GRID2: variants seen among roughly 807,000 people sequenced by gnomAD.
The protein encoded by GRID2 is glutamate ionotropic receptor delta type subunit 2, also known as glutamate receptor ionotropic, delta-2.
Under a neutral mutation model 114.8 loss-of-function variants are expected in GRID2, and 33 were observed. The ratio of observed to expected loss-of-function variants is 0.29; its 90% CI spans 0.22 to 0.38. The LOEUF (loss-of-function observed/expected upper bound fraction) is 0.38, where lower values mean the gene tolerates loss of function less well. Among genes scored for constraint, GRID2 ranks in the 10% least tolerant of loss-of-function variants. The pLI is 1.00. For missense variants in GRID2, 1,184 were observed against 1,257.7 expected (o/e 0.94, Z 0.89); for synonymous variants, 505 against 449.9 (o/e 1.12, Z -1.55).
At chr4:92,942,453 C>T (rs1368329941) in intron 2 of GRID2, among the ~76,000 whole-genome samples, 2 of 152,130 alleles carry the variant, frequency 1.3e-5, no homozygotes, top group South Asian at 2.1e-4. Context: ...TATTTTGAGC[C>T]TGTGTGTGTC....
At chr4:92,957,165 A>C (rs1003299747) in intron 2 of GRID2, among the ~76,000 whole-genome samples, 2 of 152,108 alleles carry the variant, frequency 1.3e-5, no homozygotes, top group Admixed American at 1.3e-4. Context: ...ATTAAGTCCA[A>C]GTTATCAAAT....
chr4:92,925,003 C>G (rs1749694083), intron 2 of GRID2, among the ~76,000 whole-genome samples: 1 of 152,016 alleles, frequency 6.6e-6, no homozygotes, highest in African/African-American at 2.4e-5. Context: ...AGGTAAGCAG[C>G]CCTCTTTAAG....
Position 93,422,918 on chromosome 4 carries a change from C to T in GRID2, c.1495C>T (p.Pro499Ser), listed in dbSNP as rs202110379. The T allele has an allele frequency of 8.1e-5, 131 of 1,613,634 alleles. No homozygotes were observed. Among genetic ancestry groups the T allele is most frequent in the Non-Finnish European group, 6.3e-5 (74 of 1,179,778 alleles). Residue 499 changes from proline (P) to serine (S), a missense_variant, in exon 10 of 16, where the codon CCA (proline) becomes TCA (serine). Pro to Ser is a moderately conservative substitution (Grantham distance 74). Around this residue, in one of 3 missense-constraint regions of GRID2, gnomAD observed 717 missense variants for 796.9 expected, o/e 0.90. Coordinates refer to ENST00000282020, the MANE Select transcript of GRID2 (RefSeq NM_001510.4). ...AGCACCGGATCACAAATACGGAAGC[C>T]CACAAGAAGATGGGACATGGAATGG... is the stretch of plus-strand genomic sequence containing the variant. ...YVAPDHKYGS[P>S]QEDGTWNGLV...
chr4:92,774,659 A>AGTGGTGC (rs1239873634), intron 2 of GRID2, among the ~76,000 whole-genome samples: 3 of 143,858 alleles, frequency 2.1e-5, no homozygotes, highest in Middle Eastern at 3.7e-3. Context: ...GCAGTGGTGC[A>AGTGGTGC]ATCATGGCTC....
chr4:92,937,800 G>T (rs1750779860), intron 2 of GRID2, among the ~76,000 whole-genome samples: 1 of 146,498 alleles, frequency 6.8e-6, no homozygotes, highest in Non-Finnish European at 1.5e-5. Context: ...GCTTTTGGTA[G>T]TATTTTCATC....
At chr4:93,702,534 G>T (rs1578610656) in intron 14 of GRID2, among the ~76,000 whole-genome samples, 1 of 151,992 alleles carries the variant, frequency 6.6e-6, no homozygotes, top group East Asian at 1.9e-4. Context: ...TTACCATAAT[G>T]CTAAAAAAAA....
At chr4:92,751,031 A>T (rs958179366) in intron 2 of GRID2, among the ~76,000 whole-genome samples, 1 of 152,174 alleles carries the variant, frequency 6.6e-6, no homozygotes, top group Non-Finnish European at 1.5e-5. Context: ...GTATTTGTTA[A>T]TTCTTGGCAA....
chr4:92,426,856 C>A (rs1407204966), intron 1 of GRID2, among the ~76,000 whole-genome samples: 3 of 151,996 alleles, frequency 2.0e-5, no homozygotes, highest in Admixed American at 1.3e-4. Context: ...CTAGAAGAAA[C>A]CTTCCTAGAT....
At chr4:93,755,124 C>T (rs1440978496) in intron 14 of GRID2, among the ~76,000 whole-genome samples, 1 of 152,132 alleles carries the variant, frequency 6.6e-6, no homozygotes, top group African/African-American at 2.4e-5. Context: ...GCAACGTATC[C>T]ACACCATTTC....
chr4:93,795,280 G>A (rs955856206), intron 1 of GRID2, among the ~76,000 whole-genome samples: 39 of 151,672 alleles, frequency 2.6e-4, no homozygotes, highest in African/African-American at 8.5e-4. Context: ...AAATACTTTC[G>A]GAAATCACAA....
intron 2 of GRID2, among the ~76,000 whole-genome samples, chr4:92,763,896 T>G (rs78598986): frequency 6.6e-6 from 1 of 152,138 alleles, no homozygotes; most frequent in Non-Finnish European, 1.5e-5. Flanking sequence ...AGAACAGATA[T>G]AATCTCATTT....
In GRID2 at chr4:92,660,958, C is replaced by CT. The variant is rs548446919; in HGVS notation, c.244+70677dup. Among the ~76,000 whole-genome samples the CT allele has an allele frequency of 1.2e-3, 176 of 150,846 alleles. 1 individual carries two copies. Among genetic ancestry groups the CT allele is most frequent in the African/African-American group, 3.9e-3 (161 of 41,340 alleles). On this transcript the variant is annotated intron_variant, in intron 2 of 15. Transcript: ENST00000282020. Reference sequence around the variant, plus strand: ...CTATTATCGGACCATTTTGGCTAACCTTTTTGGAGGCTACTAATTATTTTC... The same window carrying CT: ...CTATTATCGGACCATTTTGGCTAACCTTTTTTGGAGGCTACTAATTATTTTC...
chr4:93,693,789 T>C (rs1375131404), intron 14 of GRID2, among the ~76,000 whole-genome samples: 1 of 152,116 alleles, frequency 6.6e-6, no homozygotes, highest in African/African-American at 2.4e-5. Context: ...GCACCAGTAA[T>C]TTGGGACCAA....
Position 93,679,857 on chromosome 4 carries a change from A to T in GRID2, c.2360+53422A>T, listed in dbSNP as rs1317305357. On this transcript the variant is annotated intron_variant, in intron 14 of 15. Coordinates refer to ENST00000282020, the MANE Select transcript of GRID2 (RefSeq NM_001510.4). ...TCCAAAATTGACACCCTAACATCAC[A>T]ATTAAAAGAACTAGAAAAGCAAGAG... Among the ~76,000 whole-genome samples the T allele has an allele frequency of 9.3e-5, 14 of 151,120 alleles. No homozygotes were observed. The East Asian group carries it at 2.7e-3, about 29-fold the overall frequency.
intron 2 of GRID2, among the ~76,000 whole-genome samples, chr4:92,815,744 C>T (rs1340589125): frequency 2.0e-5 from 3 of 151,038 alleles, no homozygotes; most frequent in Non-Finnish European, 4.4e-5. Context: ...GATACTTCAT[C>T]TCTACAAAAT....
chr4:93,432,797 C>T (rs558619072), intron 10 of GRID2, among the ~76,000 whole-genome samples: 1 of 152,256 alleles, frequency 6.6e-6, no homozygotes, highest in Non-Finnish European at 1.5e-5. Flanking sequence ...CAAGGTGGCT[C>T]ATGCCTGTAA....
At chr4:92,786,512 C>T (rs1485772060) in intron 2 of GRID2, among the ~76,000 whole-genome samples, 1 of 151,696 alleles carries the variant, frequency 6.6e-6, no homozygotes, top group Non-Finnish European at 1.5e-5. Flanking sequence ...CTCAGGGACA[C>T]ATAAATGATT....
At chr4:92,601,351 T>A (rs1729207583) in intron 2 of GRID2, among the ~76,000 whole-genome samples, 1 of 152,140 alleles carries the variant, frequency 6.6e-6, no homozygotes, top group Admixed American at 6.5e-5. Flanking sequence ...AACAGTGAAC[T>A]CATATTCAAA....
exon 2 of GRID2, chr4:93,808,944 C>A (rs1282720339): frequency 6.6e-6 from 1 of 152,174 alleles, no homozygotes; most frequent in Non-Finnish European, 1.5e-5. Context: ...ATTGGGCTGC[C>A]AAGGGAGATA....
Sources: allele counts gnomAD v4.1 joint callset (sites outside exome capture counted in the v4.1 genomes callset), GRCh38; gene constraint gnomAD v4.1.1; regional missense constraint gnomAD v4.1.1; transcripts MANE v1.5; gene names NCBI Gene and HGNC (gene_info 2026-07-23, HGNC 2026-07-21).